Variants in THUMPD3 observed in about 807,000 individuals in gnomAD.
THUMPD3 encodes THUMP domain 3 tRNA guanosine methyltransferase, also known as tRNA (guanine(6)-N(2))-methyltransferase THUMP3.
In THUMPD3, 44 loss-of-function variants were observed where a neutral mutation model predicts 54.5. The observed-to-expected ratio is 0.81, with a 90% CI of 0.63 to 1.04. The LOEUF (loss-of-function observed/expected upper bound fraction) is 1.04, where lower values mean the gene tolerates loss of function less well. Among genes scored for constraint, THUMPD3 ranks in the 50% least tolerant of loss-of-function variants. The pLI, the probability that THUMPD3 is intolerant of heterozygous loss-of-function variation, is 0.00. For missense variants in THUMPD3, 604 were observed against 601.3 expected, an observed-to-expected ratio of 1.00 and a Z score of -0.05; for synonymous variants, 196 against 201.4, an observed-to-expected ratio of 0.97 and a Z score of 0.23.
Position 9,381,756 on chromosome 3 carries a change from C to CTTTTTTTTT in THUMPD3, c.1124+1171_1124+1179dup, listed in dbSNP as rs753480713. On this transcript the variant is annotated intron_variant, in intron 7 of 9. Transcript: ENST00000452837. ...ACCTACACTGTCTGTTCAACCCGTA[C>CTTTTTTTTT]TTTTTTTTTTTTTTTTTTTTTTTTT... is the stretch of plus-strand genomic sequence containing the variant. 5.4e-4 allele frequency among the ~76,000 whole-genome samples: 24 copies of CTTTTTTTTT among 44,368 alleles called. 10 individuals carry two copies. The highest frequency in any genetic ancestry group is 1.4e-3 in the African/African-American group (14 of 9,750). The allele number at this position is 44,368 out of a possible 152,430, so 29.1% of individuals were successfully genotyped here. A position where few individuals can be genotyped will look rare whatever the true frequency, so the allele number is the denominator to read the frequency against.
rs1341704892 is a variant in THUMPD3 at position 9,385,916 on chromosome 3, G to A, written c.*1228G>A. 1.3e-5 allele frequency: 2 copies of A among 152,166 alleles called. No individual in the cohort carries two copies. The highest frequency in any genetic ancestry group is 2.4e-5 in the African/African-American group (1 of 41,428). The allele number at this position is 152,166 out of a possible 1,614,324, so 9.4% of individuals were successfully genotyped here. On this transcript the variant is annotated 3_prime_UTR_variant, in exon 10 of 10. Transcript: ENST00000452837. ...CTTCTTGAGAGTTTTGTGGAAAATG[G>A]TGCTTCCCTGGAACAAAGAGTAGTT...
At chr3:9,365,437 G>A (rs1183447901) in intron 2 of THUMPD3, 117 bp downstream of exon 2, 1 of 1,311,934 alleles carries the variant, frequency 7.6e-7, no homozygotes, top group Non-Finnish European at 1.0e-6. Context: ...CCCAAATCAG[G>A]TGATTTTAAA....
In THUMPD3 at chr3:9,365,329, G is replaced by A. The variant is rs936596761; in HGVS notation, c.252+9G>A. On this transcript the variant is annotated intron_variant, in intron 2 of 9. Coordinates refer to ENST00000452837, the MANE Select transcript of THUMPD3 (RefSeq NM_001114092.2). The stretch of plus-strand genomic sequence containing the variant: ...TGGAAAGTCTGGCACAGGTTTGAAT[G>A]GAGCAATATTTAAAATAGTTTTCTA... 18 of 1,613,266 alleles carry A rather than the reference G, an allele frequency of 1.1e-5. No individual in the cohort carries two copies. Among genetic ancestry groups the A allele is most frequent in the Non-Finnish European group, 1.4e-5 (17 of 1,179,436 alleles).
chr3:9,367,850 G>A (rs1193837277), intron 3 of THUMPD3, among the ~76,000 whole-genome samples: 1 of 152,146 alleles, frequency 6.6e-6, no homozygotes, highest in Non-Finnish European at 1.5e-5. Context: ...TGGATCATGA[G>A]GTCAGGAGAT....
At chr3:9,365,429 C>A in intron 2 of THUMPD3, 109 bp downstream of exon 2, 2 of 1,335,844 alleles carry the variant, frequency 1.5e-6, no homozygotes, top group Non-Finnish European at 2.1e-6. Context: ...TGCTCTGCCC[C>A]AAATCAGGTG....
chr3:9,380,607 A>C lies in THUMPD3; in HGVS notation c.1113A>C (p.Gln371His), dbSNP rs969229215. The change falls in exon 7 of 10, where the codon CAA (glutamine) becomes CAC (histidine). Residue 371 changes from glutamine to histidine, a missense_variant. Transcript: ENST00000452837. Reference sequence around the variant, plus strand: ...TTGCATCTTTATTGACCAAGAGCCAAATTAAAGAAGGGTAAAAATTTAAAA... The same window carrying C: ...TTGCATCTTTATTGACCAAGAGCCACATTAAAGAAGGGTAAAAATTTAAAA... ...NNIASLLTKS[Q>H]IKEGKPSWGL... is the part of the protein sequence containing the mutation. 2 of 1,609,006 alleles carry C rather than the reference A, an allele frequency of 1.2e-6. No individual in the cohort carries two copies. The highest frequency in any genetic ancestry group is 2.7e-5 in the African/African-American group (2 of 74,762).
Position 9,365,417 on chromosome 3 carries a change from A to G in THUMPD3, c.252+97A>G, listed in dbSNP as rs906223973. On this transcript the variant is annotated intron_variant, in intron 2 of 9. Transcript: ENST00000452837. ...CCTTCTGGAATCCTTTCTGATTTTC[A>G]TTGCTCTGCCCCAAATCAGGTGATT... is the stretch of plus-strand genomic sequence containing the variant. 24 of 1,427,774 alleles carry G rather than the reference A, an allele frequency of 1.7e-5. No homozygotes were observed. In the Admixed American group the frequency reaches 4.8e-4, roughly 28 times the overall value. The allele number at this position is 1,427,774 out of a possible 1,614,324, so 88.4% of individuals were successfully genotyped here.
chr3:9,373,704 A>T (rs540285126), intron 4 of THUMPD3, among the ~76,000 whole-genome samples: 1 of 152,272 alleles, frequency 6.6e-6, no homozygotes, highest in East Asian at 1.9e-4. Context: ...AGATTGGGGA[A>T]CATTTTGGTT....
At position 9,386,392 on chromosome 3, in the gene THUMPD3, T is replaced by TCCACCCC. The variant is rs2033335415; in HGVS notation, c.*1709_*1715dup. On this transcript the variant is annotated 3_prime_UTR_variant, in exon 10 of 10. Transcript: ENST00000452837. ...CTTTCCCCACCCCCCCACCCCCCAC[T>TCCACCCC]CCACCCCCCACTAAGGGCAGGGTAT... is the stretch of plus-strand genomic sequence containing the variant. 2 of 41,716 alleles carry TCCACCCC rather than the reference T, an allele frequency of 4.8e-5. No individual in the cohort carries two copies. The highest frequency in any genetic ancestry group is 2.5e-3 in the South Asian group (2 of 814). 2.6% of individuals were successfully genotyped at this position (41,716 alleles called of 1,614,324 possible). A position where few individuals can be genotyped will look rare whatever the true frequency, so the allele number is the denominator to read the frequency against.
chr3:9,374,985 G>C (rs951338974), intron 5 of THUMPD3, among the ~76,000 whole-genome samples: 6 of 152,268 alleles, frequency 3.9e-5, no homozygotes, highest in African/African-American at 1.2e-4. Flanking sequence ...CAGCCGAATA[G>C]CTGGGATTAC....
rs529638228 is a variant in THUMPD3, at chr3:9,385,014, C to T, written c.*326C>T. The T allele has an allele frequency of 4.2e-5, 10 of 236,508 alleles. No individual in the cohort carries two copies. The highest frequency in any genetic ancestry group is 2.3e-4 in the African/African-American group (10 of 44,240). The allele number at this position is 236,508 out of a possible 1,614,324, so 14.7% of individuals were successfully genotyped here. On this transcript the variant is annotated 3_prime_UTR_variant, in exon 10 of 10. Coordinates refer to ENST00000452837, the MANE Select transcript of THUMPD3 (RefSeq NM_001114092.2). The stretch of plus-strand genomic sequence containing the variant: ...AATTAGCCAGGTGTGGTGGCGGGCG[C>T]CTGTAATCCCAACTACTCAGGAGGC...
At chr3:9,382,906 G>T in intron 7 of THUMPD3, 1 of 227,796 alleles carries the variant, frequency 4.4e-6, no homozygotes, top group South Asian at 7.8e-5. Flanking sequence ...TCTTAAAAAA[G>T]TATTTTAGAG....
intron 8 of THUMPD3, 48 bp from the exon 9 acceptor site, chr3:9,384,164 A>AT: frequency 6.3e-7 from 1 of 1,599,020 alleles, no homozygotes; most frequent in South Asian, 1.1e-5. Context: ...TAGTCCTTCT[A>AT]TTTTGTATCT....
chr3:9,383,795 T>G (rs2033109618), intron 8 of THUMPD3, among the ~76,000 whole-genome samples: 1 of 152,170 alleles, frequency 6.6e-6, no homozygotes, highest in African/African-American at 2.4e-5. Flanking sequence ...AGCTTATTTT[T>G]GTATTTTTAA....
chr3:9,382,903 A>G (rs2033032375), intron 7 of THUMPD3: 1 of 222,906 alleles, frequency 4.5e-6, no homozygotes, highest in Admixed American at 5.0e-5. Context: ...ACTTCTTAAA[A>G]AAGTATTTTA....
intron 3 of THUMPD3, among the ~76,000 whole-genome samples, chr3:9,370,254 C>A (rs559637310): frequency 6.6e-6 from 1 of 152,178 alleles, no homozygotes; most frequent in South Asian, 2.1e-4. Flanking sequence ...CACTTGTTTT[C>A]ATTTTAGTGA....
At chr3:9,383,530 C>T (rs550095024) in intron 8 of THUMPD3, among the ~76,000 whole-genome samples, 1 of 152,168 alleles carries the variant, frequency 6.6e-6, no homozygotes, top group South Asian at 2.1e-4. Flanking sequence ...TTTAAATTAC[C>T]TGTAATTCAC....
At chr3:9,368,577 G>T (rs890203352) in intron 3 of THUMPD3, among the ~76,000 whole-genome samples, 3 of 151,970 alleles carry the variant, frequency 2.0e-5, no homozygotes, top group African/African-American at 7.2e-5. Flanking sequence ...TGGCCAGGCT[G>T]GTCTTGAACT....
Position 9,384,503 on chromosome 3 carries a change from ATT to A in THUMPD3, c.1360-14_1360-13del, listed in dbSNP as rs147229917. ...AAAGTAGATTGTCAACCTAATTGTT[ATT>A]TTTTTTGTGTGTACACAGGCGTTAT... On this transcript the variant is annotated intron_variant, in intron 9 of 9. Coordinates refer to ENST00000452837, the MANE Select transcript of THUMPD3 (RefSeq NM_001114092.2). 1.2e-6 allele frequency: 2 copies of A among 1,611,304 alleles called. No individual in the cohort carries two copies. Among genetic ancestry groups the A allele is most frequent in the East Asian group, 4.5e-5 (2 of 44,840 alleles).
Sources: allele counts gnomAD v4.1 joint callset (sites outside exome capture counted in the v4.1 genomes callset), GRCh38; gene constraint gnomAD v4.1.1; transcripts MANE v1.5; gene names NCBI Gene and HGNC (gene_info 2026-07-23, HGNC 2026-07-21).